Variants in SBNO1 observed in about 807,000 individuals in gnomAD.
SBNO1 encodes protein strawberry notch homolog 1.
In SBNO1, 23 loss-of-function variants were observed where a neutral mutation model predicts 173.6. That is an observed-to-expected ratio of 0.13 (90% CI 0.10 to 0.19). The LOEUF (loss-of-function observed/expected upper bound fraction) is 0.19, where lower values mean the gene tolerates loss of function less well. SBNO1 is among the 10% of genes least tolerant of loss of function. SBNO1 has a pLI of 1.00. For missense variants in SBNO1, 1,238 were observed against 1,671.2 expected (o/e 0.74, Z 4.52); for synonymous variants, 632 against 571.5 (o/e 1.11, Z -1.51).
At chr12:123,331,432 C>A (rs1159459059) in intron 7 of SBNO1, 57 bp from the exon 8 acceptor site, 6 of 1,516,064 alleles carry the variant, frequency 4.0e-6, no homozygotes, top group South Asian at 1.1e-5. Flanking sequence ...GGTGATCAAT[C>A]TTTCATACAC....
At chr12:123,340,058 T>C (rs1407548003) in intron 5 of SBNO1, among the ~76,000 whole-genome samples, 2 of 152,184 alleles carry the variant, frequency 1.3e-5, no homozygotes, top group Non-Finnish European at 2.9e-5. Flanking sequence ...TTCCTCCAAA[T>C]TCCTAACCTT....
intron 31 of SBNO1, 103 bp from the exon 32 acceptor site, chr12:123,296,153 CAAG>C (rs143239847): frequency 0.023 from 14,914 of 647,576 alleles, 284 homozygotes; most frequent in Non-Finnish European, 0.034. Context: ...GCGTAATGGA[CAAG>C]AAGTTCACAC....
In SBNO1 at chr12:123,291,753, G is replaced by A. The variant is rs1424282052; in HGVS notation, c.*4155C>T. On this transcript the variant is annotated 3_prime_UTR_variant, in exon 32 of 32. Transcript: ENST00000602398. ...AAGAAAAGAATAAATAGAGCTGAAG[G>A]GAAGAGGGAAAAGGGAGAAACAGGT... 1 of 150,364 alleles carries A rather than the reference G, an allele frequency of 6.7e-6. No homozygotes were observed. The highest frequency in any genetic ancestry group is 1.5e-5 in the Non-Finnish European group (1 of 67,734). The allele number at this position is 150,364 out of a possible 1,614,324, so 9.3% of individuals were successfully genotyped here.
At chr12:123,310,683 C>T (rs573538815) in intron 25 of SBNO1, among the ~76,000 whole-genome samples, 84 of 152,086 alleles carry the variant, frequency 5.5e-4, no homozygotes, top group Non-Finnish European at 1.1e-3. Context: ...TACAGGCACC[C>T]GCCACCAGGC....
intron 3 of SBNO1, 92 bp downstream of exon 3, chr12:123,347,937 G>T: frequency 1.5e-6 from 1 of 686,616 alleles, no homozygotes; most frequent in African/African-American, 1.8e-5. Flanking sequence ...AAAGTGCTGA[G>T]ACTACAGGTG....
At position 123,313,650 on chromosome 12, in the gene SBNO1, G is replaced by A. The variant is rs550421430; in HGVS notation, c.3190C>T (p.Pro1064Ser). 62 of 1,602,136 alleles carry A rather than the reference G, an allele frequency of 3.9e-5. 4 individuals are homozygous for A. In the South Asian group the frequency reaches 5.1e-4, roughly 13 times the overall value. Residue 1064 changes from proline (P) to serine (S), a missense_variant, in exon 24 of 32, where the codon CCT becomes TCT. Physicochemically the swap from Pro to Ser is moderately conservative, Grantham distance 74. Around this residue, in one of 14 missense-constraint regions of SBNO1, gnomAD observed 351 missense variants for 420.3 expected, o/e 0.84. Transcript: ENST00000602398. Reference sequence around the variant, plus strand: ...AAAAATTCTCCAGGATAGTCTGGAGGTGGTGATACCATAGGAGAATCCAAG... The same window carrying A: ...AAAAATTCTCCAGGATAGTCTGGAGATGGTGATACCATAGGAGAATCCAAG... The part of the protein sequence containing the change: ...VNLDSPMVSP[P>S]PDYPGEFFKD...
rs1407099567 is a variant in SBNO1 at position 123,295,991 on chromosome 12, G to C, written c.4099C>G (p.Gln1367Glu). ...TGTTGGACCGCAAGCTGTTGAGACTGGTCTGAAGTTGATAGGAGATTTACA... is the reference window on the plus strand; with the variant it reads ...TGTTGGACCGCAAGCTGTTGAGACTCGTCTGAAGTTGATAGGAGATTTACA... Reference protein sequence around the residue: ...PLVNLLSTSDQSQQLAVQQKQ... With the variant: ...PLVNLLSTSDESQQLAVQQKQ... Residue 1367 changes from glutamine to glutamate, a missense_variant, in exon 32 of 32, where the codon CAG becomes GAG. By Grantham distance (29) the Gln-to-Glu change is conservative (BLOSUM62 2). Transcript: ENST00000602398. 1.2e-6 allele frequency: 2 copies of C among 1,613,838 alleles called. No homozygotes were observed. Among genetic ancestry groups the C allele is most frequent in the South Asian group, 1.1e-5 (1 of 91,078 alleles).
intron 29 of SBNO1, among the ~76,000 whole-genome samples, chr12:123,303,922 CTTTTTTTTTTTT>C (rs11413728): frequency 2.0e-5 from 2 of 100,464 alleles, no homozygotes; most frequent in African/African-American, 7.7e-5. Flanking sequence ...AATAAGTATT[CTTTTTTTTTTTT>C]TTTTTTTTTT....
At chr12:123,363,595 A>G (rs1409198073) in intron 1 of SBNO1, among the ~76,000 whole-genome samples, 1 of 152,182 alleles carries the variant, frequency 6.6e-6, no homozygotes, top group Non-Finnish European at 1.5e-5. Context: ...ACCTTCCCTC[A>G]ACACGTGTTC....
intron 6 of SBNO1, among the ~76,000 whole-genome samples, chr12:123,334,639 C>T (rs1345491552): frequency 6.6e-6 from 1 of 152,178 alleles, no homozygotes; most frequent in Non-Finnish European, 1.5e-5. Context: ...ACCCAGGAGA[C>T]GGAGGTTGCA....
chr12:123,327,665 T>G, intron 12 of SBNO1, 42 bp downstream of exon 12: 1 of 1,577,706 alleles, frequency 6.3e-7, no homozygotes, highest in Non-Finnish European at 8.7e-7. Context: ...ACACACTTCT[T>G]AGATTGCTAC....
Position 123,326,318 on chromosome 12 carries a change from T to C in SBNO1, c.1709A>G (p.Glu570Gly). 2 of 1,603,736 alleles carry C rather than the reference T, an allele frequency of 1.2e-6. No individual in the cohort carries two copies. Among genetic ancestry groups the C allele is most frequent in the Non-Finnish European group, 1.7e-6 (2 of 1,174,652 alleles). ...CAGATCTGCAGCTTGCTGAAACCGCTCTCTGGCGATGACCCACTGAAGATA... is the reference window on the plus strand; with the variant it reads ...CAGATCTGCAGCTTGCTGAAACCGCCCTCTGGCGATGACCCACTGAAGATA... ...KAVKLWVIAR[E>G]RFQQAADLID... The change falls in exon 14 of 32, where the codon GAG becomes GGG. Residue 570 changes from glutamate (E) to glycine (G), a missense_variant. This residue lies in a region of SBNO1 where 182 missense variants were observed against 339.9 expected (regional missense o/e 0.54). Transcript: ENST00000602398.
intron 24 of SBNO1, among the ~76,000 whole-genome samples, chr12:123,313,224 A>G (rs1868822413): frequency 6.7e-6 from 1 of 148,162 alleles, no homozygotes; most frequent in East Asian, 1.9e-4. Context: ...AAATAAATAA[A>G]TAAATAAATA....
chr12:123,314,205 C>T (rs774492238), intron 23 of SBNO1, among the ~76,000 whole-genome samples: 29 of 152,084 alleles, frequency 1.9e-4, no homozygotes, highest in Middle Eastern at 6.8e-3. Flanking sequence ...TTTTGCTCAT[C>T]GCCCAGGCTG....
chr12:123,362,452 A>G (rs1408153920), intron 1 of SBNO1, among the ~76,000 whole-genome samples: 2 of 148,258 alleles, frequency 1.3e-5, no homozygotes, highest in Admixed American at 6.7e-5. Context: ...AAAAAAAAAA[A>G]AAAAAAAAAA....
chr12:123,314,900 T>G (rs1048831172), intron 23 of SBNO1, among the ~76,000 whole-genome samples: 7 of 150,844 alleles, frequency 4.6e-5, no homozygotes, highest in African/African-American at 1.5e-4. Context: ...CCGGCCTAAT[T>G]TTTGTATTTT....
At chr12:123,316,512 C>T (rs567791376) in intron 21 of SBNO1, among the ~76,000 whole-genome samples, 2 of 152,120 alleles carry the variant, frequency 1.3e-5, no homozygotes, top group African/African-American at 4.8e-5. Flanking sequence ...GCGTGAGCCG[C>T]TGCGCCCAGC....
In SBNO1 at chr12:123,311,121, G is replaced by C. The variant is rs1220067261; in HGVS notation, c.3229C>G (p.Gln1077Glu). 1.2e-6 allele frequency: 2 copies of C among 1,612,146 alleles called. No individual in the cohort carries two copies. The highest frequency in any genetic ancestry group is 1.1e-5 in the South Asian group (1 of 91,042). The change falls in exon 25 of 32, where the codon CAA becomes GAA. Residue 1077 changes from glutamine to glutamate, a missense_variant. Gln to Glu is a conservative substitution (Grantham distance 29, BLOSUM62 2). This residue lies in a region of SBNO1 where 351 missense variants were observed against 420.3 expected (regional missense o/e 0.84). Coordinates refer to ENST00000602398, the MANE Select transcript of SBNO1 (RefSeq NM_001167856.3). The stretch of plus-strand genomic sequence containing the variant: ...ATCAGGCCAACGCCTATCAGTCCTT[G>C]TCGAACATCTGTAAGAACAGGATCA... ...YPGEFFKDVR[Q>E]GLIGVGLINV...
chr12:123,304,305 G>C (rs1180474571), intron 29 of SBNO1, among the ~76,000 whole-genome samples: 1 of 152,114 alleles, frequency 6.6e-6, no homozygotes, highest in Admixed American at 6.6e-5. Flanking sequence ...CGTGATCTTG[G>C]CTCACTGCAA....
Sources: allele counts gnomAD v4.1 joint callset (sites outside exome capture counted in the v4.1 genomes callset), GRCh38; gene constraint gnomAD v4.1.1; regional missense constraint gnomAD v4.1.1; transcripts MANE v1.5; gene names NCBI Gene and HGNC (gene_info 2026-07-23, HGNC 2026-07-21).